Variants in HHAT observed in about 807,000 individuals in gnomAD.
HHAT encodes hedgehog acyltransferase.
A neutral mutation model predicts 70.8 loss-of-function variants in HHAT; 47 were observed. The ratio of observed to expected loss-of-function variants is 0.66; its 90% CI spans 0.53 to 0.85. The LOEUF is 0.85. HHAT is among the 40% of genes least tolerant of loss of function. The probability of loss-of-function intolerance (pLI) is 0.00; values close to 1 mark genes in which losing one functional copy is unlikely to be tolerated. For missense variants in HHAT, 609 were observed against 604.8 expected (o/e 1.01, Z -0.07); for synonymous variants, 228 against 247.6 (o/e 0.92, Z 0.74).
intron 10 of HHAT, among the ~76,000 whole-genome samples, chr1:210,593,278 T>A (rs999057488): frequency 7.2e-5 from 11 of 152,332 alleles, no homozygotes; most frequent in African/African-American, 2.6e-4. Flanking sequence ...CATTAGGTTA[T>A]TTTTAGTTTT....
chr1:210,673,876 C>G (rs1300195202), intron 11 of HHAT, among the ~76,000 whole-genome samples: 1 of 151,190 alleles, frequency 6.6e-6, no homozygotes, highest in East Asian at 1.9e-4. Context: ...CTCAAGTGAT[C>G]CTCCCACCTC....
intron 6 of HHAT, among the ~76,000 whole-genome samples, chr1:210,413,283 C>G (rs1049649314): frequency 2.6e-5 from 4 of 152,184 alleles, no homozygotes; most frequent in Non-Finnish European, 5.9e-5. Context: ...GTTTTCATGA[C>G]TGAATTCTCT....
intron 11 of HHAT, among the ~76,000 whole-genome samples, chr1:210,624,219 C>T (rs1005567536): frequency 6.6e-6 from 1 of 152,018 alleles, no homozygotes; most frequent in African/African-American, 2.4e-5. Flanking sequence ...CACGTGATGC[C>T]CTGTGCTACC....
chr1:210,493,409 G>A (rs1440925301), intron 8 of HHAT, among the ~76,000 whole-genome samples: 1 of 152,068 alleles, frequency 6.6e-6, no homozygotes, highest in Non-Finnish European at 1.5e-5. Context: ...TCCTCTTTGG[G>A]GTCCTCGGTC....
chr1:210,406,833 G>A (rs1378829038), intron 6 of HHAT, among the ~76,000 whole-genome samples: 1 of 152,192 alleles, frequency 6.6e-6, no homozygotes, highest in African/African-American at 2.4e-5. Context: ...TTCTGGGGAA[G>A]TGAAGGGGCA....
chr1:210,473,278 T>G (rs1030027396), intron 8 of HHAT, among the ~76,000 whole-genome samples: 6 of 152,200 alleles, frequency 3.9e-5, no homozygotes, highest in Non-Finnish European at 8.8e-5. Flanking sequence ...GTCTGTTTTG[T>G]CTTAAGATCT....
intron 3 of HHAT, among the ~76,000 whole-genome samples, chr1:210,379,512 T>C (rs1466430350): frequency 6.6e-6 from 1 of 152,204 alleles, no homozygotes; most frequent in Admixed American, 6.5e-5. Flanking sequence ...AATGCTGAAG[T>C]TCCTTTTTGT....
intron 3 of HHAT, chr1:210,374,206 C>CA (rs931909054): frequency 2.0e-5 from 3 of 152,200 alleles, no homozygotes; most frequent in Middle Eastern, 3.4e-3. Flanking sequence ...TGATTTGTTT[C>CA]TCTCCACGGA....
At chr1:210,653,489 C>T (rs2148939857) in intron 11 of HHAT, among the ~76,000 whole-genome samples, 1 of 148,688 alleles carries the variant, frequency 6.7e-6, no homozygotes, top group Middle Eastern at 3.4e-3. Flanking sequence ...GAGATCGCAC[C>T]ACTGCATTCC....
In HHAT at chr1:210,649,674, T is replaced by C. The variant is rs186289855; in HGVS notation, c.1391-24614T>C. On this transcript the variant is annotated intron_variant, in intron 11 of 11. Coordinates refer to ENST00000261458, the MANE Select transcript of HHAT (RefSeq NM_018194.6). ...AGTCGAGAATGACCTTGACCTGTCC[T>C]ATGTGTTGTCAACTCTCATGTCCCA... Among the ~76,000 whole-genome samples the C allele has an allele frequency of 2.1e-3, 321 of 152,348 alleles. 2 individuals are homozygous for C. The highest frequency in any genetic ancestry group is 7.2e-3 in the African/African-American group (298 of 41,582).
At chr1:210,611,038 A>C (rs181351145) in intron 10 of HHAT, among the ~76,000 whole-genome samples, 20 of 152,276 alleles carry the variant, frequency 1.3e-4, no homozygotes, top group Non-Finnish European at 1.6e-4. Flanking sequence ...AGTTTTTTCT[A>C]ATTCTGTGAA....
intron 3 of HHAT, 72 bp from the exon 4 acceptor site, chr1:210,387,396 A>G: frequency 7.9e-7 from 1 of 1,259,286 alleles, no homozygotes; most frequent in African/African-American, 1.5e-5. Context: ...TTCCAGTTTT[A>G]TTAACTGGAG....
chr1:210,427,261 A>G (rs1184810038), intron 7 of HHAT, among the ~76,000 whole-genome samples: 1 of 151,522 alleles, frequency 6.6e-6, no homozygotes, highest in Non-Finnish European at 1.5e-5. Flanking sequence ...TTTTTTTTAA[A>G]CCAATTCCTG....
chr1:210,493,504 A>T (rs1453783069), intron 8 of HHAT, among the ~76,000 whole-genome samples: 2 of 152,182 alleles, frequency 1.3e-5, no homozygotes, highest in Non-Finnish European at 2.9e-5. Flanking sequence ...CTACTGATTT[A>T]AATGTTCATC....
chr1:210,385,257 T>C (rs951651075), intron 3 of HHAT, among the ~76,000 whole-genome samples: 1 of 134,658 alleles, frequency 7.4e-6, no homozygotes, highest in Non-Finnish European at 1.7e-5. Context: ...TTTTTCTTTT[T>C]TTTTTTTTTT....
At chr1:210,405,458 C>T (rs2092291623) in intron 6 of HHAT, among the ~76,000 whole-genome samples, 2 of 152,184 alleles carry the variant, frequency 1.3e-5, no homozygotes, top group African/African-American at 2.4e-5. Context: ...TTCTATCCCT[C>T]ACCAACAAAA....
intron 1 of HHAT, among the ~76,000 whole-genome samples, chr1:210,334,413 C>T (rs2085296228): frequency 6.6e-6 from 1 of 151,966 alleles, no homozygotes; most frequent in Admixed American, 6.6e-5. Flanking sequence ...ACCTCAGCCT[C>T]CCAAAATGGT....
intron 9 of HHAT, among the ~76,000 whole-genome samples, chr1:210,568,514 A>C (rs1655325001): frequency 6.6e-6 from 1 of 152,214 alleles, no homozygotes; most frequent in Non-Finnish European, 1.5e-5. Context: ...CAAAATGCAC[A>C]AAGCAAGGAA....
intron 8 of HHAT, among the ~76,000 whole-genome samples, chr1:210,481,567 A>G (rs1243065787): frequency 6.6e-6 from 1 of 152,126 alleles, no homozygotes; most frequent in Non-Finnish European, 1.5e-5. Flanking sequence ...TAGAAAGGAT[A>G]CTCCTAGTAT....
Sources: allele counts gnomAD v4.1 joint callset (sites outside exome capture counted in the v4.1 genomes callset), GRCh38; gene constraint gnomAD v4.1.1; transcripts MANE v1.5; gene names NCBI Gene and HGNC (gene_info 2026-07-23, HGNC 2026-07-21).